The following UNC13C variants were observed in gnomAD, a reference collection of about 807,000 sequenced individuals.
UNC13C encodes the protein protein unc-13 homolog C.
A neutral mutation model predicts 245.4 loss-of-function variants in UNC13C; 174 were observed. The ratio of observed to expected loss-of-function variants is 0.71; its 90% CI spans 0.63 to 0.80. UNC13C has a LOEUF of 0.80. Ranked by LOEUF, UNC13C falls within the 30% of genes least tolerant of loss-of-function variation. The probability of loss-of-function intolerance (pLI) is 0.00; values close to 1 mark genes in which losing one functional copy is unlikely to be tolerated. For missense variants in UNC13C, 2,829 were observed against 2,602.9 expected, an observed-to-expected ratio of 1.09 and a Z score of -1.89; for synonymous variants, 992 against 895.1, an observed-to-expected ratio of 1.11 and a Z score of -1.93.
At chr15:53,972,658 A>G in the UNC13C span, 3 of 152,336 alleles carry the variant, frequency 2.0e-5, no homozygotes, top group African/African-American at 7.2e-5. Flanking sequence ...TGTGGTCAAT[A>G]ATAATTCTCA....
At chr15:53,934,133 C>T in the UNC13C span, among the ~76,000 whole-genome samples, 593 of 152,308 alleles carry the variant, frequency 3.9e-3, 4 homozygotes, top group Non-Finnish European at 5.3e-3. Context: ...TTTTCAACAA[C>T]CAGATCTCAC....
chr15:54,084,366 A>G (rs1455084956), intron 2 of UNC13C, among the ~76,000 whole-genome samples: 2 of 152,228 alleles, frequency 1.3e-5, no homozygotes, highest in African/African-American at 4.8e-5. Flanking sequence ...TTTTGTGAGT[A>G]TATGAGTTGT....
chr15:54,185,194 A>G lies in UNC13C; in HGVS notation c.3071+41510A>G, dbSNP rs551676777. Among the ~76,000 whole-genome samples, 426 of 147,930 alleles carry G rather than the reference A, an allele frequency of 2.9e-3. 1 individual carries two copies. Among genetic ancestry groups the G allele is most frequent in the Non-Finnish European group, 5.1e-3 (348 of 67,698 alleles). The stretch of plus-strand genomic sequence containing the variant: ...GCCCTTTGTCAGATGAGTAGGTTGC[A>G]AAAATTTTTCTCCCATTCTGTAGGT... On this transcript the variant is annotated intron_variant, in intron 4 of 32. Coordinates refer to ENST00000260323, the MANE Select transcript of UNC13C (RefSeq NM_001080534.3).
At chr15:53,897,657 C>T in the UNC13C span, among the ~76,000 whole-genome samples, 1 of 152,202 alleles carries the variant, frequency 6.6e-6, no homozygotes, top group South Asian at 2.1e-4. Flanking sequence ...ATAGCATCAT[C>T]TATTCAGGCC....
chr15:54,021,335 C>T lies in UNC13C; in HGVS notation c.2983+5449C>T, dbSNP rs371622216. On this transcript the variant is annotated intron_variant, in intron 2 of 32. Coordinates refer to ENST00000260323, the MANE Select transcript of UNC13C (RefSeq NM_001080534.3). Reference sequence around the variant, plus strand: ...CCCTTTGATCAACATCTTCCCTTTTCCCACCTCACTCTCTACCCCAACCCT... The same window carrying T: ...CCCTTTGATCAACATCTTCCCTTTTTCCACCTCACTCTCTACCCCAACCCT... Among the ~76,000 whole-genome samples, 7 of 152,170 alleles carry T rather than the reference C, an allele frequency of 4.6e-5. No homozygotes were observed. The South Asian group carries it at 1.4e-3, about 32-fold the overall frequency.
intron 10 of UNC13C, among the ~76,000 whole-genome samples, chr15:54,289,734 A>G (rs1282427196): frequency 6.6e-6 from 1 of 152,014 alleles, no homozygotes; most frequent in African/African-American, 2.4e-5. Context: ...ACCGATCAAT[A>G]CTTTTGCCCC....
At position 54,013,772 on chromosome 15, in the gene UNC13C, A is replaced by G. The variant is rs763549683; in HGVS notation, c.869A>G (p.Gln290Arg). Residue 290 changes from glutamine (Q) to arginine (R), a missense_variant, in exon 2 of 33, where the codon CAG becomes CGG. Gln to Arg is a conservative substitution (Grantham distance 43). Transcript: ENST00000260323. ...GAGGTTGTACAAAGTGAAATTGAGC[A>G]GTTGCGCACAGGGTTTGTCCAGTCT... ...SVEVVQSEIE[Q>R]LRTGFVQSRR... 10 of 1,610,562 alleles carry G rather than the reference A, an allele frequency of 6.2e-6. No homozygotes were observed. The South Asian group carries it at 1.1e-4, about 18-fold the overall frequency.
chr15:54,552,602 A>ATATAATTGTACAATATATAATATATAAT lies in UNC13C; in HGVS notation c.5878-2823_5878-2822insGTACAATATATAATATATAATTATAATT, dbSNP rs1896836278. Reference sequence around the variant, plus strand: ...TATATTATATTGTACAATATATAATATATAATTATATAATTATATTATATA... The same window carrying ATATAATTGTACAATATATAATATATAAT: ...TATATTATATTGTACAATATATAATATATAATTGTACAATATATAATATATAATTATAATTATATAATTATATTATATA... On this transcript the variant is annotated intron_variant, in intron 28 of 32. Transcript: ENST00000260323. 3.9e-5 allele frequency among the ~76,000 whole-genome samples: 3 copies of ATATAATTGTACAATATATAATATATAAT among 75,976 alleles called. No homozygotes were observed. In the South Asian group the frequency reaches 1.3e-3, roughly 32 times the overall value. 49.8% of individuals were successfully genotyped at this position (75,976 alleles called of 152,430 possible).
At chr15:54,544,072 C>T (rs1163236674) in intron 26 of UNC13C, among the ~76,000 whole-genome samples, 1 of 152,180 alleles carries the variant, frequency 6.6e-6, no homozygotes, top group Non-Finnish European at 1.5e-5. Flanking sequence ...CCAAATCCAG[C>T]AGCACATCAA....
chr15:54,081,368 C>G (rs1186372770), intron 2 of UNC13C, among the ~76,000 whole-genome samples: 1 of 151,984 alleles, frequency 6.6e-6, no homozygotes, highest in African/African-American at 2.4e-5. Context: ...GATTATCTTT[C>G]TAGTGCTGTC....
chr15:54,296,884 C>T (rs1266125865), intron 11 of UNC13C, among the ~76,000 whole-genome samples: 1 of 152,164 alleles, frequency 6.6e-6, no homozygotes, highest in Admixed American at 6.5e-5. Context: ...TAGATTATGC[C>T]TCTATTTATC....
intron 13 of UNC13C, among the ~76,000 whole-genome samples, chr15:54,305,359 G>C (rs1322081223): frequency 6.6e-6 from 1 of 152,032 alleles, no homozygotes; most frequent in Non-Finnish European, 1.5e-5. Context: ...AAAATTTGAG[G>C]AAGTTTCAGA....
intron 19 of UNC13C, among the ~76,000 whole-genome samples, chr15:54,478,905 G>A (rs950408850): frequency 2.0e-5 from 3 of 152,192 alleles, no homozygotes. Context: ...AATGTTGACA[G>A]TGGGGTGTTA....
intron 1 of UNC13C, among the ~76,000 whole-genome samples, chr15:53,994,923 T>C (rs903020999): frequency 2.0e-5 from 3 of 151,896 alleles, no homozygotes; most frequent in African/African-American, 7.3e-5. Context: ...GTAGGAGGTA[T>C]GGGAATGAGA....
At chr15:54,360,717 T>C (rs991219287) in intron 17 of UNC13C, among the ~76,000 whole-genome samples, 4 of 152,108 alleles carry the variant, frequency 2.6e-5, no homozygotes, top group Non-Finnish European at 4.4e-5. Context: ...CCTGTATGTT[T>C]CCTGGATAGC....
intron 1 of UNC13C, among the ~76,000 whole-genome samples, chr15:53,985,850 G>A (rs2725591): frequency 0.24 from 36,013 of 151,848 alleles, 5,121 homozygotes; most frequent in Non-Finnish European, 0.31. Context: ...TTCCTCATTG[G>A]GTGTGTATCC....
chr15:53,950,626 G>A, the UNC13C span, among the ~76,000 whole-genome samples: 3 of 152,072 alleles, frequency 2.0e-5, no homozygotes, highest in African/African-American at 7.2e-5. Flanking sequence ...GCAGTAGATC[G>A]GTCTCTAGCA....
At chr15:54,591,673 C>T (rs560181463) in intron 30 of UNC13C, among the ~76,000 whole-genome samples, 1 of 152,122 alleles carries the variant, frequency 6.6e-6, no homozygotes, top group African/African-American at 2.4e-5. Context: ...TTTGGATTTT[C>T]TCTTTTTTTC....
chr15:54,245,605 G>A (rs964727156), intron 7 of UNC13C, among the ~76,000 whole-genome samples: 3 of 152,066 alleles, frequency 2.0e-5, no homozygotes, highest in African/African-American at 7.2e-5. Flanking sequence ...TGTTTTTATA[G>A]TCAGGATTTT....
Sources: gnomAD v4.1 joint callset for allele counts (sites outside exome capture counted in the v4.1 genomes callset) on GRCh38, gnomAD v4.1.1 for gene constraint, MANE v1.5 for transcripts, NCBI Gene and HGNC (gene_info 2026-07-23, HGNC 2026-07-21) for gene names.